Variants in PCSK5 observed in about 807,000 individuals in gnomAD.
The protein encoded by PCSK5 is prohormone convertase 5.
In PCSK5, 129 loss-of-function variants were observed where a neutral mutation model predicts 233.2. The ratio of observed to expected loss-of-function variants is 0.55; its 90% CI spans 0.48 to 0.64. PCSK5 has a LOEUF of 0.64. Ranked by LOEUF, PCSK5 falls within the 30% of genes least tolerant of loss-of-function variation. The pLI is 0.00. For missense variants in PCSK5, 2,076 were observed against 2,430.1 expected (o/e 0.85, Z 3.06); for synonymous variants, 825 against 879.2 (o/e 0.94, Z 1.09).
At chr9:76,019,582 C>A (rs1473884866) in intron 3 of PCSK5, among the ~76,000 whole-genome samples, 2 of 151,974 alleles carry the variant, frequency 1.3e-5, no homozygotes, top group Admixed American at 6.6e-5. Context: ...ACCCATAAAC[C>A]CTGCCAGCAC....
At chr9:75,995,515 T>A (rs1427602676) in intron 3 of PCSK5, among the ~76,000 whole-genome samples, 1 of 152,164 alleles carries the variant, frequency 6.6e-6, no homozygotes, top group African/African-American at 2.4e-5. Flanking sequence ...TGGAAGAAGT[T>A]GTGTCTTTGT....
At chr9:76,356,969 AT>A (rs1830317657) in intron 37 of PCSK5, among the ~76,000 whole-genome samples, 2 of 152,220 alleles carry the variant, frequency 1.3e-5, no homozygotes, top group Non-Finnish European at 2.9e-5. Flanking sequence ...TACATCCAAC[AT>A]GGCCTCATGG....
chr9:76,178,385 T>G (rs923678234), intron 14 of PCSK5, among the ~76,000 whole-genome samples: 3 of 152,234 alleles, frequency 2.0e-5, no homozygotes, highest in African/African-American at 7.2e-5. Context: ...ATTTGCTACA[T>G]CTAAGCAGGA....
intron 1 of PCSK5, among the ~76,000 whole-genome samples, chr9:75,915,899 A>C (rs928737850): frequency 3.9e-5 from 6 of 152,336 alleles, no homozygotes; most frequent in Admixed American, 3.9e-4. Context: ...AACTCAATCT[A>C]GTGCGGGAAG....
chr9:76,296,939 T>C, intron 27 of PCSK5, 74 bp downstream of exon 27: 2 of 959,148 alleles, frequency 2.1e-6, no homozygotes, highest in Non-Finnish European at 3.3e-6. Flanking sequence ...TAACTCTGGT[T>C]TTTTTAGTTA....
chr9:76,190,111 C>T (rs1463832290), intron 20 of PCSK5, among the ~76,000 whole-genome samples: 1 of 152,114 alleles, frequency 6.6e-6, no homozygotes, highest in Non-Finnish European at 1.5e-5. Context: ...CAACATCAAG[C>T]ACTAGAGGAA....
chr9:76,301,612 G>T (rs1056020577), intron 27 of PCSK5, among the ~76,000 whole-genome samples: 1 of 152,226 alleles, frequency 6.6e-6, no homozygotes, highest in African/African-American at 2.4e-5. Flanking sequence ...GGAGGCCAAG[G>T]CAGGCAGATC....
At chr9:76,286,878 G>A (rs538155273) in intron 24 of PCSK5, 114 of 213,220 alleles carry the variant, frequency 5.3e-4, no homozygotes, top group South Asian at 2.2e-4. Context: ...CACTTAGTCT[G>A]CAGCCATTGG....
intron 1 of PCSK5, among the ~76,000 whole-genome samples, chr9:75,930,268 G>A (rs1823722446): frequency 6.6e-6 from 1 of 152,086 alleles, no homozygotes; most frequent in African/African-American, 2.4e-5. Context: ...GGGAATTATG[G>A]GAGCTACAAT....
chr9:76,002,668 G>GA (rs1270947778), intron 3 of PCSK5, among the ~76,000 whole-genome samples: 1 of 152,116 alleles, frequency 6.6e-6, no homozygotes, highest in East Asian at 1.9e-4. Context: ...TGTGTCCATC[G>GA]AGATTGGGTT....
At chr9:75,904,167 C>G (rs986380366) in intron 1 of PCSK5, among the ~76,000 whole-genome samples, 1 of 152,038 alleles carries the variant, frequency 6.6e-6, no homozygotes, top group African/African-American at 2.4e-5. Flanking sequence ...ATGCTGGGAA[C>G]CAGTGAAGGA....
chr9:76,075,323 T>G (rs1354625173), intron 7 of PCSK5, among the ~76,000 whole-genome samples: 1 of 152,130 alleles, frequency 6.6e-6, no homozygotes, highest in Non-Finnish European at 1.5e-5. Context: ...TGTACAAACC[T>G]TCAATTTCAC....
chr9:76,312,621 T>C (rs1233131757), intron 30 of PCSK5, among the ~76,000 whole-genome samples: 1 of 151,182 alleles, frequency 6.6e-6, no homozygotes, highest in African/African-American at 2.4e-5. Context: ...TGAGTATAAA[T>C]ATAGAGTATA....
chr9:76,122,658 A>T (rs1832687231), intron 9 of PCSK5, among the ~76,000 whole-genome samples: 1 of 151,948 alleles, frequency 6.6e-6, no homozygotes, highest in South Asian at 2.1e-4. Flanking sequence ...TCTTAAGTTG[A>T]TCTGTGAAGT....
intron 24 of PCSK5, among the ~76,000 whole-genome samples, chr9:76,257,033 C>A (rs552479486): frequency 6.6e-6 from 1 of 152,182 alleles, no homozygotes; most frequent in Non-Finnish European, 1.5e-5. Context: ...AATATCAAAA[C>A]AGAATTTAAT....
At chr9:76,026,642 T>C (rs1343484070) in intron 4 of PCSK5, among the ~76,000 whole-genome samples, 1 of 152,114 alleles carries the variant, frequency 6.6e-6, no homozygotes, top group Non-Finnish European at 1.5e-5. Flanking sequence ...AATGAGGATG[T>C]CTTTGAAAGA....
intron 6 of PCSK5, 80 bp downstream of exon 6, chr9:76,068,123 A>G: frequency 1.0e-6 from 1 of 977,888 alleles, no homozygotes; most frequent in South Asian, 1.3e-5. Context: ...TCCTTTTTAA[A>G]TGGAGGTTAA....
At chr9:76,057,145 C>T (rs1259320018) in intron 5 of PCSK5, among the ~76,000 whole-genome samples, 1 of 152,114 alleles carries the variant, frequency 6.6e-6, no homozygotes, top group African/African-American at 2.4e-5. Flanking sequence ...ACTCTGTGGT[C>T]TCTGAGCAAA....
At chr9:76,089,073 C>T (rs1392932111) in intron 7 of PCSK5, among the ~76,000 whole-genome samples, 1 of 151,536 alleles carries the variant, frequency 6.6e-6, no homozygotes, top group Non-Finnish European at 1.5e-5. Context: ...AGGAACAGTT[C>T]TTTATTTCTT....
Sources: gnomAD v4.1 joint callset for allele counts (sites outside exome capture counted in the v4.1 genomes callset) on GRCh38, gnomAD v4.1.1 for gene constraint, MANE v1.5 for transcripts, NCBI Gene and HGNC (gene_info 2026-07-23, HGNC 2026-07-21) for gene names.